ERC1: variants seen among roughly 807,000 people sequenced by gnomAD.
ERC1 encodes ELKS/RAB6-interacting/CAST family member 1, also known as RAB6 interacting protein 2.
ERC1 carries 56 observed loss-of-function variants against 132.0 expected under a neutral mutation model. That is an observed-to-expected ratio of 0.42 (90% CI 0.34 to 0.53). The LOEUF is 0.53. ERC1 is among the 20% of genes least tolerant of loss of function. The probability of loss-of-function intolerance (pLI) is 0.03; values close to 1 mark genes in which losing one functional copy is unlikely to be tolerated. For synonymous variants in ERC1, 478 were observed against 476.1 expected, an observed-to-expected ratio of 1.00 and a Z score of -0.05; for missense variants, 1,202 against 1,349.9, an observed-to-expected ratio of 0.89 and a Z score of 1.72.
At chr12:1,280,549 T>G (rs551221839) in intron 14 of ERC1, among the ~76,000 whole-genome samples, 183 of 152,332 alleles carry the variant, frequency 1.2e-3, no homozygotes, top group Non-Finnish European at 2.4e-3. Flanking sequence ...TTTTGTAATC[T>G]CTCCAAGTAT....
chr12:1,212,180 G>A (rs1440198390), intron 12 of ERC1, among the ~76,000 whole-genome samples: 2 of 152,018 alleles, frequency 1.3e-5, no homozygotes, highest in African/African-American at 4.8e-5. Flanking sequence ...GCATATAATT[G>A]TTTGGCTTTG....
intron 1 of ERC1, among the ~76,000 whole-genome samples, chr12:992,173 C>T (rs1959631040): frequency 6.6e-6 from 1 of 151,998 alleles, no homozygotes; most frequent in Admixed American, 6.6e-5. Flanking sequence ...TTTTTTTTCC[C>T]CCCAATGCCT....
At chr12:1,189,643 A>G (rs530930064) in intron 11 of ERC1, among the ~76,000 whole-genome samples, 1 of 152,366 alleles carries the variant, frequency 6.6e-6, no homozygotes, top group Admixed American at 6.5e-5. Context: ...GTTATTTAAA[A>G]CAACTAATCT....
At chr12:1,124,207 G>T (rs1165561112) in intron 7 of ERC1, among the ~76,000 whole-genome samples, 1 of 152,086 alleles carries the variant, frequency 6.6e-6, no homozygotes. Context: ...CTGAACAGTC[G>T]TAAAAACTAA....
At position 1,034,437 on chromosome 12, in the gene ERC1, A is replaced by G. The variant is rs533377122; in HGVS notation, c.669+5865A>G. ...AAAAATAAATAAAAAAATAAATAAA[A>G]ATTTAAAATAATTAAGAAATATTGT... On this transcript the variant is annotated intron_variant, in intron 2 of 18. Coordinates refer to ENST00000360905, the MANE Select transcript of ERC1 (RefSeq NM_178040.4). Among the ~76,000 whole-genome samples, 3 of 152,060 alleles carry G rather than the reference A, an allele frequency of 2.0e-5. No homozygotes were observed. The South Asian group carries it at 6.2e-4, about 32-fold the overall frequency.
intron 17 of ERC1, among the ~76,000 whole-genome samples, chr12:1,421,000 CTAA>C (rs1350126638): frequency 1.4e-5 from 2 of 147,178 alleles, no homozygotes; most frequent in Non-Finnish European, 3.0e-5. Flanking sequence ...AAATTGACAT[CTAA>C]TAATTTTATG....
At chr12:1,054,599 G>T (rs1385174858) in intron 2 of ERC1, among the ~76,000 whole-genome samples, 4 of 152,006 alleles carry the variant, frequency 2.6e-5, no homozygotes, top group Admixed American at 2.6e-4. Context: ...GCATTATCTG[G>T]GATGGCATGC....
chr12:1,343,848 C>CT (rs1566636813), intron 15 of ERC1, among the ~76,000 whole-genome samples: 5 of 139,978 alleles, frequency 3.6e-5, no homozygotes, highest in Non-Finnish European at 6.5e-5. Context: ...TATGTAAAAA[C>CT]ATTTTTTTTT....
Position 1,493,182 on chromosome 12 carries a change from G to A in ERC1, c.*2952G>A, listed in dbSNP as rs903328396. 4 of 202,030 alleles carry A rather than the reference G, an allele frequency of 2.0e-5. No individual in the cohort carries two copies. The highest frequency in any genetic ancestry group is 4.1e-5 in the Non-Finnish European group (4 of 98,066). The allele number at this position is 202,030 out of a possible 1,614,324, so 12.5% of individuals were successfully genotyped here. The stretch of plus-strand genomic sequence containing the variant: ...GAATCATTGATGAGGTATCTCAATT[G>A]AGATTTGCAAGGACTTTGATACCAT... On this transcript the variant is annotated 3_prime_UTR_variant, in exon 19 of 19. Transcript: ENST00000360905.
At position 1,385,561 on chromosome 12, in the gene ERC1, AGGCGTGAGCCACCGCGCCC is replaced by A. The variant is rs1371794363; in HGVS notation, c.2925+13588_2925+13606del. Among the ~76,000 whole-genome samples the A allele has an allele frequency of 2.0e-5, 3 of 152,368 alleles. No individual in the cohort carries two copies. In the South Asian group the frequency reaches 6.2e-4, roughly 32 times the overall value. On this transcript the variant is annotated intron_variant, in intron 16 of 18. Transcript: ENST00000360905. Reference sequence around the variant, plus strand: ...CAGCCTCCCAAAGTGCTGGGATTCCAGGCGTGAGCCACCGCGCCCGGCCCCTATCTATCTTATTATTGAG... The same window carrying A: ...CAGCCTCCCAAAGTGCTGGGATTCCAGGCCCCTATCTATCTTATTATTGAG...
intron 14 of ERC1, among the ~76,000 whole-genome samples, chr12:1,274,978 T>C (rs28600165): frequency 0.031 from 4,694 of 152,188 alleles, 243 homozygotes; most frequent in African/African-American, 0.11. Context: ...TGGAGTGTAC[T>C]AAGTCAAAGT....
At chr12:1,279,923 T>TG (rs2078559709) in intron 14 of ERC1, among the ~76,000 whole-genome samples, 1 of 152,172 alleles carries the variant, frequency 6.6e-6, no homozygotes, top group African/African-American at 2.4e-5. Context: ...CTCGAACTCC[T>TG]GACCTCATGA....
At chr12:1,325,549 A>T (rs1265781659) in intron 15 of ERC1, among the ~76,000 whole-genome samples, 1 of 152,184 alleles carries the variant, frequency 6.6e-6, no homozygotes, top group Non-Finnish European at 1.5e-5. Context: ...AAACTTTATA[A>T]ATTTAATATT....
chr12:1,187,896 G>A (rs1955286423), intron 11 of ERC1, among the ~76,000 whole-genome samples: 1 of 152,146 alleles, frequency 6.6e-6, no homozygotes, highest in Admixed American at 6.5e-5. Flanking sequence ...CATGGTGTGA[G>A]GGAAGCTTAT....
intron 12 of ERC1, among the ~76,000 whole-genome samples, chr12:1,228,655 G>A (rs927380178): frequency 2.0e-5 from 3 of 152,036 alleles, no homozygotes; most frequent in South Asian, 2.1e-4. Flanking sequence ...TAGATTTATC[G>A]GCTGTGGGCT....
intron 15 of ERC1, among the ~76,000 whole-genome samples, chr12:1,362,626 C>T (rs1034101164): frequency 1.3e-5 from 2 of 152,136 alleles, no homozygotes; most frequent in African/African-American, 4.8e-5. Flanking sequence ...AGGCCAAATG[C>T]TGTGTGATCC....
At chr12:1,285,779 C>T (rs921884332) in intron 14 of ERC1, among the ~76,000 whole-genome samples, 5 of 152,140 alleles carry the variant, frequency 3.3e-5, no homozygotes, top group African/African-American at 1.2e-4. Flanking sequence ...GGAACAATCA[C>T]TCAACAACAT....
At chr12:1,183,484 A>G in intron 11 of ERC1, 63 bp downstream of exon 11, 1 of 1,157,396 alleles carries the variant, frequency 8.6e-7, no homozygotes, top group African/African-American at 1.5e-5. Flanking sequence ...AGATAACCTT[A>G]GCATGTTTAT....
intron 17 of ERC1, among the ~76,000 whole-genome samples, chr12:1,437,699 T>C (rs974424622): frequency 6.6e-6 from 1 of 152,228 alleles, no homozygotes; most frequent in African/African-American, 2.4e-5. Context: ...CCATATCTCC[T>C]TACAGCTTTG....
Sources: gnomAD v4.1 joint callset for allele counts (sites outside exome capture counted in the v4.1 genomes callset) on GRCh38, gnomAD v4.1.1 for gene constraint, MANE v1.5 for transcripts, NCBI Gene and HGNC (gene_info 2026-07-23, HGNC 2026-07-21) for gene names.